Variants in SLC2A9 observed in about 807,000 individuals in gnomAD.
SLC2A9 encodes the protein solute carrier family 2, facilitated glucose transporter member 9.
Under a neutral mutation model 50.6 loss-of-function variants are expected in SLC2A9, and 39 were observed. The observed-to-expected ratio is 0.77, with a 90% CI of 0.60 to 1.01. The LOEUF is 1.01. Among genes scored for constraint, SLC2A9 ranks in the 50% least tolerant of loss-of-function variants. The pLI, the probability that SLC2A9 is intolerant of heterozygous loss-of-function variation, is 0.00. For synonymous variants in SLC2A9, 324 were observed against 276.9 expected (o/e 1.17, Z -1.69); for missense variants, 686 against 677.6 (o/e 1.01, Z -0.14).
At chr4:9,837,704 G>A (rs1453985005) in intron 10 of SLC2A9, among the ~76,000 whole-genome samples, 1 of 152,190 alleles carries the variant, frequency 6.6e-6, no homozygotes, top group Non-Finnish European at 1.5e-5. Flanking sequence ...TTGCAGGATT[G>A]ATGAAAGAAC....
At chr4:9,845,770 C>T (rs1397908085) in intron 10 of SLC2A9, among the ~76,000 whole-genome samples, 1 of 152,150 alleles carries the variant, frequency 6.6e-6, no homozygotes, top group African/African-American at 2.4e-5. Flanking sequence ...TGCCTATAAA[C>T]CCCCTTAGAA....
chr4:10,021,339 T>A lies in SLC2A9; in HGVS notation c.91A>T (p.Arg31Trp). ...AGGTGGTCACACTCCAGCAGTGCCCTCCCTGGCCCTGGAGGCCCGGCGTGG... is the reference window on the plus strand; with the variant it reads ...AGGTGGTCACACTCCAGCAGTGCCCACCCTGGCCCTGGAGGCCCGGCGTGG... The part of the protein sequence containing the change: ...TSHAGPPGPG[R>W]ALLECDHLRS... Residue 31 changes from arginine to tryptophan, a missense_variant, in exon 1 of 12, where the codon AGG (arginine) becomes TGG (tryptophan). Transcript: ENST00000264784. The A allele has an allele frequency of 6.2e-7, 1 of 1,614,194 alleles. No individual in the cohort carries two copies. The highest frequency in any genetic ancestry group is 1.7e-5 in the Admixed American group (1 of 60,038).
intron 10 of SLC2A9, among the ~76,000 whole-genome samples, chr4:9,848,739 AC>A: frequency 7.0e-6 from 1 of 143,158 alleles, no homozygotes; most frequent in East Asian, 2.0e-4. Flanking sequence ...TCACTCTGTC[AC>A]CCAGGCTGGA....
chr4:9,916,090 C>CA (rs1742803088), intron 7 of SLC2A9, among the ~76,000 whole-genome samples: 1 of 152,176 alleles, frequency 6.6e-6, no homozygotes, highest in Non-Finnish European at 1.5e-5. Flanking sequence ...CCCTTCTACT[C>CA]AACTGTTTAG....
chr4:9,955,286 A>T (rs1751033719), intron 5 of SLC2A9, among the ~76,000 whole-genome samples: 2 of 45,624 alleles, frequency 4.4e-5, no homozygotes, highest in African/African-American at 2.0e-4. Flanking sequence ...AGGTCAGGAG[A>T]TCGAGACCAT....
chr4:9,964,543 G>A (rs144609913), intron 5 of SLC2A9, among the ~76,000 whole-genome samples: 4 of 152,276 alleles, frequency 2.6e-5, no homozygotes, highest in South Asian at 4.1e-4. Flanking sequence ...AAAGAGAAAC[G>A]GTAGGATTTA....
At chr4:9,969,114 C>G (rs1021215000) in intron 5 of SLC2A9, among the ~76,000 whole-genome samples, 1 of 152,092 alleles carries the variant, frequency 6.6e-6, no homozygotes, top group Non-Finnish European at 1.5e-5. Flanking sequence ...CCTCAAAGGA[C>G]TTCTCTCTCA....
At chr4:9,915,450 G>A in intron 7 of SLC2A9, among the ~76,000 whole-genome samples, 1 of 152,206 alleles carries the variant, frequency 6.6e-6, no homozygotes, top group Admixed American at 6.5e-5. Context: ...TGGTCAGGCT[G>A]ATCTTGAACT....
intron 3 of SLC2A9, chr4:9,780,173 G>A (rs962803313): frequency 1.3e-5 from 2 of 152,178 alleles, no homozygotes; most frequent in Non-Finnish European, 2.9e-5. Flanking sequence ...TTTCATCAGG[G>A]GAGTGACATG....
chr4:9,863,871 T>C (rs969745586), intron 10 of SLC2A9, among the ~76,000 whole-genome samples: 1 of 152,128 alleles, frequency 6.6e-6, no homozygotes, highest in Admixed American at 6.5e-5. Context: ...AGTTGATGTA[T>C]TGCTCTTTAT....
At chr4:9,771,455 T>C in intron 1 of SLC2A9, 1 of 398,872 alleles carries the variant, frequency 2.5e-6, no homozygotes, top group Non-Finnish European at 4.4e-6. Flanking sequence ...CACATTCCTG[T>C]TTTCCAGAAC....
chr4:9,998,124 T>C (rs1759058619), intron 2 of SLC2A9, among the ~76,000 whole-genome samples: 2 of 152,206 alleles, frequency 1.3e-5, no homozygotes, highest in African/African-American at 4.8e-5. Flanking sequence ...CAATTCTGAT[T>C]CAGTGTGTTT....
At chr4:9,775,309 A>C (rs1029489551), downstream of SLC2A9, among the ~76,000 whole-genome samples, 3 of 152,164 alleles carry the variant, frequency 2.0e-5, no homozygotes, top group Non-Finnish European at 4.4e-5. Flanking sequence ...CCAAAGTGGC[A>C]GCTGCGAGCC....
intron 2 of SLC2A9, among the ~76,000 whole-genome samples, chr4:10,003,481 A>G (rs562270961): frequency 1.3e-5 from 2 of 152,316 alleles, no homozygotes; most frequent in South Asian, 4.1e-4. Context: ...AGAAGCCTCT[A>G]TAGACTCTGG....
At chr4:10,032,957 G>C (rs959624592) in intron 1 of SLC2A9, among the ~76,000 whole-genome samples, 1 of 152,070 alleles carries the variant, frequency 6.6e-6, no homozygotes, top group Non-Finnish European at 1.5e-5. Context: ...TTTGCAGGTC[G>C]AGTGCTGCAA....
chr4:9,848,286 C>T (rs1345761246), intron 10 of SLC2A9, among the ~76,000 whole-genome samples: 2 of 151,432 alleles, frequency 1.3e-5, no homozygotes, highest in African/African-American at 4.9e-5. Context: ...CCCTTCTACA[C>T]AGCCCAACCA....
At chr4:9,905,491 T>G (rs1296443612) in intron 8 of SLC2A9, among the ~76,000 whole-genome samples, 1 of 152,220 alleles carries the variant, frequency 6.6e-6, no homozygotes, top group Non-Finnish European at 1.5e-5. Context: ...AGGAGTGCTC[T>G]CCAGAGGCTG....
chr4:9,952,684 C>T (rs1217595882), intron 5 of SLC2A9, among the ~76,000 whole-genome samples: 1 of 152,062 alleles, frequency 6.6e-6, no homozygotes, highest in Non-Finnish European at 1.5e-5. Context: ...ACCACCAAGG[C>T]CAGCTAATTT....
At chr4:9,773,520 A>C (rs1717122161) in intron 1 of SLC2A9, among the ~76,000 whole-genome samples, 1 of 152,236 alleles carries the variant, frequency 6.6e-6, no homozygotes, top group Admixed American at 6.5e-5. Context: ...CAAATAGAAG[A>C]ATATTTGCTA....
Sources: allele counts gnomAD v4.1 joint callset (sites outside exome capture counted in the v4.1 genomes callset), GRCh38; gene constraint gnomAD v4.1.1; transcripts MANE v1.5; gene names NCBI Gene and HGNC (gene_info 2026-07-23, HGNC 2026-07-21).